The following VAV3 variants were observed in gnomAD, a reference collection of about 807,000 sequenced individuals.
VAV3 encodes vav guanine nucleotide exchange factor 3.
VAV3 carries 94 observed loss-of-function variants against 131.2 expected under a neutral mutation model. That is an observed-to-expected ratio of 0.72 (90% CI 0.61 to 0.85). The LOEUF (loss-of-function observed/expected upper bound fraction) is 0.85, where lower values mean the gene tolerates loss of function less well. Ranked by LOEUF, VAV3 falls within the 40% of genes least tolerant of loss-of-function variation. The pLI, the probability that VAV3 is intolerant of heterozygous loss-of-function variation, is 0.00. For missense variants in VAV3, 939 were observed against 1,002.7 expected, an observed-to-expected ratio of 0.94 and a Z score of 0.86; for synonymous variants, 349 against 342.0, an observed-to-expected ratio of 1.02 and a Z score of -0.22.
chr1:107,928,540 T>A (rs1673268654), intron 1 of VAV3, among the ~76,000 whole-genome samples: 2 of 152,236 alleles, frequency 1.3e-5, no homozygotes, highest in African/African-American at 4.8e-5. Context: ...CAGAATTCTA[T>A]CAGATAAATT....
chr1:107,860,630 T>G (rs752526271), intron 2 of VAV3, among the ~76,000 whole-genome samples: 7 of 151,688 alleles, frequency 4.6e-5, no homozygotes, highest in South Asian at 2.1e-4. Flanking sequence ...AACCTTTAAC[T>G]GTGCTGTTTC....
Position 107,705,005 on chromosome 1 carries a change from G to A in VAV3, c.1559C>T (p.Thr520Ile), listed in dbSNP as rs771882352. 6.2e-7 allele frequency: 1 copy of A among 1,613,898 alleles called. No homozygotes were observed. ...TTTGCAGGATGTGACTCGAGTGAAG[G>A]TATGCATCTTGAAGTCGTGGAAATT... The part of the protein sequence containing the change: ...DSNFHDFKMH[T>I]FTRVTSCKVC... Residue 520 changes from threonine to isoleucine, a missense_variant, in exon 16 of 27, where the codon ACC (threonine) becomes ATC (isoleucine). Coordinates refer to ENST00000370056, the MANE Select transcript of VAV3 (RefSeq NM_006113.5).
intron 3 of VAV3, 84 bp from the exon 4 acceptor site, chr1:107,777,380 T>G (rs1665421947): frequency 8.1e-7 from 1 of 1,236,764 alleles, no homozygotes; most frequent in South Asian, 1.2e-5. Flanking sequence ...TAACCCTCAC[T>G]AAATATGTAA....
chr1:107,912,749 A>T (rs2101123494), intron 1 of VAV3, among the ~76,000 whole-genome samples: 1 of 152,346 alleles, frequency 6.6e-6, no homozygotes. Flanking sequence ...CTTCTGGAAC[A>T]GCAGGTGCAC....
At chr1:107,834,624 C>T (rs1206853575) in intron 2 of VAV3, among the ~76,000 whole-genome samples, 2 of 151,178 alleles carry the variant, frequency 1.3e-5, no homozygotes, top group Non-Finnish European at 2.9e-5. Flanking sequence ...ACAAGATGGC[C>T]AACTAGATGC....
chr1:107,637,868 T>A (rs1180614190), intron 20 of VAV3, among the ~76,000 whole-genome samples: 1 of 152,292 alleles, frequency 6.6e-6, no homozygotes, highest in East Asian at 1.9e-4. Context: ...AAAAAGATAA[T>A]ATATAATTGC....
intron 2 of VAV3, among the ~76,000 whole-genome samples, chr1:107,810,412 A>G (rs1667261736): frequency 1.3e-5 from 2 of 152,180 alleles, no homozygotes; most frequent in African/African-American, 2.4e-5. Context: ...TTGCCCAGGG[A>G]ACTGAGCAAG....
intron 12 of VAV3, among the ~76,000 whole-genome samples, chr1:107,754,724 T>C (rs186442523): frequency 3.0e-4 from 46 of 152,310 alleles, no homozygotes; most frequent in African/African-American, 1.1e-3. Context: ...TCACTCTCCA[T>C]TTCCAGCCAC....
At chr1:107,707,675 A>G (rs1660537345) in intron 15 of VAV3, among the ~76,000 whole-genome samples, 1 of 152,196 alleles carries the variant, frequency 6.6e-6, no homozygotes, top group Non-Finnish European at 1.5e-5. Context: ...TAATTATTGA[A>G]GTGTAAGAGG....
At chr1:107,651,478 T>C (rs898718279) in intron 19 of VAV3, among the ~76,000 whole-genome samples, 4 of 150,862 alleles carry the variant, frequency 2.7e-5, no homozygotes, top group Admixed American at 6.6e-5. Context: ...TGCCATAGGT[T>C]GTGCTCTTTA....
At chr1:107,741,501 G>A (rs1169209138) in intron 15 of VAV3, among the ~76,000 whole-genome samples, 1 of 152,166 alleles carries the variant, frequency 6.6e-6, no homozygotes, top group Non-Finnish European at 1.5e-5. Flanking sequence ...CAGTGAAACA[G>A]CCGAGGGAAC....
At chr1:107,775,574 T>G (rs1665307024) in intron 4 of VAV3, among the ~76,000 whole-genome samples, 1 of 44,126 alleles carries the variant, frequency 2.3e-5, no homozygotes, top group Admixed American at 4.9e-4. Flanking sequence ...CAAGACTCAG[T>G]CACAAAAAAA....
At chr1:107,656,915 A>C (rs1330275267) in intron 19 of VAV3, among the ~76,000 whole-genome samples, 1 of 141,460 alleles carries the variant, frequency 7.1e-6, no homozygotes, top group African/African-American at 2.7e-5. Context: ...ACACATTTAC[A>C]CATTTCCCAT....
intron 2 of VAV3, among the ~76,000 whole-genome samples, chr1:107,833,280 C>G (rs1447184178): frequency 2.0e-5 from 3 of 151,990 alleles, no homozygotes; most frequent in African/African-American, 7.3e-5. Context: ...CTGGATAGAT[C>G]AGATCAGCCA....
intron 9 of VAV3, among the ~76,000 whole-genome samples, chr1:107,764,360 T>C (rs187433332): frequency 3.9e-5 from 6 of 152,278 alleles, no homozygotes; most frequent in Admixed American, 1.3e-4. Context: ...CTACCCACAC[T>C]GAAGTGGGTA....
chr1:107,873,809 G>A (rs1031167732), intron 2 of VAV3, among the ~76,000 whole-genome samples: 2 of 152,044 alleles, frequency 1.3e-5, no homozygotes, highest in African/African-American at 4.8e-5. Context: ...GAGAAGGCTG[G>A]TGCCTTCTAG....
intron 15 of VAV3, among the ~76,000 whole-genome samples, chr1:107,743,819 T>C (rs1663163779): frequency 6.6e-6 from 1 of 152,240 alleles, no homozygotes. Context: ...GAAAATATTC[T>C]TGTCTAGTGG....
At chr1:107,908,329 G>A (rs1019496298) in intron 1 of VAV3, among the ~76,000 whole-genome samples, 18 of 152,132 alleles carry the variant, frequency 1.2e-4, no homozygotes, top group Admixed American at 1.1e-3. Flanking sequence ...GGCTATAGGT[G>A]GCTGATATCA....
chr1:107,888,438 C>T (rs926465045), intron 1 of VAV3, among the ~76,000 whole-genome samples: 1 of 152,200 alleles, frequency 6.6e-6, no homozygotes, highest in Non-Finnish European at 1.5e-5. Flanking sequence ...CAGGCTTCTT[C>T]TCTACCCTGA....
Sources: gnomAD v4.1 joint callset for allele counts (sites outside exome capture counted in the v4.1 genomes callset) on GRCh38, gnomAD v4.1.1 for gene constraint, MANE v1.5 for transcripts, NCBI Gene and HGNC (gene_info 2026-07-23, HGNC 2026-07-21) for gene names.